Variants in EPHA6 observed in about 807,000 individuals in gnomAD.
EPHA6 encodes EPH receptor A6.
In EPHA6, 50 loss-of-function variants were observed where a neutral mutation model predicts 112.0. The observed-to-expected ratio is 0.45, with a 90% CI of 0.36 to 0.56. The LOEUF (loss-of-function observed/expected upper bound fraction) is 0.56, where lower values mean the gene tolerates loss of function less well. EPHA6 is among the 20% of genes least tolerant of loss of function. The pLI is 0.00. For synonymous variants in EPHA6, 529 were observed against 490.7 expected, an observed-to-expected ratio of 1.08 and a Z score of -1.03; for missense variants, 1,280 against 1,417.4, an observed-to-expected ratio of 0.90 and a Z score of 1.56.
At chr3:97,146,486 C>T (rs1194438577) in intron 3 of EPHA6, among the ~76,000 whole-genome samples, 3 of 151,782 alleles carry the variant, frequency 2.0e-5, no homozygotes, top group African/African-American at 7.2e-5. Flanking sequence ...GGCATCTCTA[C>T]ATTATTTCCT....
At chr3:97,280,147 G>C (rs1191588313) in intron 5 of EPHA6, among the ~76,000 whole-genome samples, 1 of 152,198 alleles carries the variant, frequency 6.6e-6, no homozygotes, top group Admixed American at 6.5e-5. Context: ...GCCTCCCAAA[G>C]TGCTGGGAAT....
At chr3:97,187,133 A>G (rs1295081955) in intron 3 of EPHA6, among the ~76,000 whole-genome samples, 5 of 152,136 alleles carry the variant, frequency 3.3e-5, no homozygotes, top group Non-Finnish European at 5.9e-5. Context: ...TTCACATTAT[A>G]TGCTAGCTGT....
At chr3:97,709,009 C>T (rs563167511) in intron 14 of EPHA6, among the ~76,000 whole-genome samples, 1 of 152,184 alleles carries the variant, frequency 6.6e-6, no homozygotes, top group Non-Finnish European at 1.5e-5. Flanking sequence ...TCATGGAGAA[C>T]CTCTACTAGT....
chr3:97,644,520 A>G lies in EPHA6; in HGVS notation c.2784+6438A>G, dbSNP rs1165224611. Among the ~76,000 whole-genome samples, 19 of 152,270 alleles carry G rather than the reference A, an allele frequency of 1.2e-4. No homozygotes were observed. In the East Asian group the frequency reaches 3.7e-3, roughly 29 times the overall value. On this transcript the variant is annotated intron_variant, in intron 14 of 17. Transcript: ENST00000389672. ...CAGGAGCTGGTTTTTTGAAAGGATC[A>G]ACAAAATTGATAGACCACTAGCAAG... is the stretch of plus-strand genomic sequence containing the variant.
intron 1 of EPHA6, among the ~76,000 whole-genome samples, chr3:96,840,457 A>G (rs923011936): frequency 9.2e-5 from 14 of 152,232 alleles, no homozygotes; most frequent in African/African-American, 2.9e-4. Context: ...CAGTAGTCCA[A>G]ACCACTCTCA....
chr3:96,871,997 A>G (rs894560026), intron 2 of EPHA6, among the ~76,000 whole-genome samples: 1 of 152,112 alleles, frequency 6.6e-6, no homozygotes, highest in Admixed American at 6.6e-5. Flanking sequence ...GCATTTCCCT[A>G]GAAAAGAAAA....
chr3:97,598,260 TTAAG>T (rs2093611044), intron 12 of EPHA6, among the ~76,000 whole-genome samples: 1 of 151,708 alleles, frequency 6.6e-6, no homozygotes, highest in South Asian at 2.1e-4. Flanking sequence ...GGTCATTTAG[TTAAG>T]TTTTTTTTTT....
chr3:97,692,936 A>G (rs965455795), intron 14 of EPHA6, among the ~76,000 whole-genome samples: 3 of 152,186 alleles, frequency 2.0e-5, no homozygotes, highest in Admixed American at 6.5e-5. Flanking sequence ...ATGAGCATCT[A>G]TTGAGATATT....
At chr3:97,504,278 G>A (rs532688911) in intron 10 of EPHA6, among the ~76,000 whole-genome samples, 1 of 152,156 alleles carries the variant, frequency 6.6e-6, no homozygotes, top group African/African-American at 2.4e-5. Flanking sequence ...TGGACACAAA[G>A]GCTAAGGTTG....
chr3:96,889,707 A>C (rs2037842986), intron 2 of EPHA6, among the ~76,000 whole-genome samples: 1 of 152,222 alleles, frequency 6.6e-6, no homozygotes, highest in Non-Finnish European at 1.5e-5. Flanking sequence ...ATTGTATGCA[A>C]ATTCAAAGAA....
intron 5 of EPHA6, among the ~76,000 whole-genome samples, chr3:97,388,817 G>A (rs1424926662): frequency 1.3e-5 from 2 of 152,168 alleles, no homozygotes; most frequent in African/African-American, 4.8e-5. Context: ...ATTAAGTGTA[G>A]AGGGAGTAGG....
chr3:97,330,663 T>C (rs1215580751), intron 5 of EPHA6, among the ~76,000 whole-genome samples: 1 of 152,088 alleles, frequency 6.6e-6, no homozygotes, highest in Admixed American at 6.6e-5. Flanking sequence ...TATTACATAA[T>C]GGTAAAGGGA....
chr3:97,556,590 A>G (rs1379614903), intron 11 of EPHA6, among the ~76,000 whole-genome samples: 2 of 152,050 alleles, frequency 1.3e-5, no homozygotes, highest in African/African-American at 4.8e-5. Flanking sequence ...TGCCTCCATG[A>G]TTCAATTACC....
intron 3 of EPHA6, among the ~76,000 whole-genome samples, chr3:97,155,806 C>T (rs1227775106): frequency 2.0e-5 from 3 of 152,124 alleles, no homozygotes; most frequent in Non-Finnish European, 1.5e-5. Context: ...ATCTCAGAGC[C>T]AGCAACACCA....
chr3:97,603,574 TC>T (rs1462704106), intron 12 of EPHA6, among the ~76,000 whole-genome samples: 1 of 151,874 alleles, frequency 6.6e-6, no homozygotes, highest in Non-Finnish European at 1.5e-5. Flanking sequence ...CTGAGGGTTT[TC>T]AAATCACTCT....
chr3:96,825,730 G>T (rs2033614771), intron 1 of EPHA6, among the ~76,000 whole-genome samples: 1 of 151,834 alleles, frequency 6.6e-6, no homozygotes, highest in South Asian at 2.1e-4. Context: ...GATTACCCGT[G>T]ATTAGCTGTT....
At chr3:96,939,470 A>G (rs1027397514) in intron 2 of EPHA6, among the ~76,000 whole-genome samples, 16 of 152,002 alleles carry the variant, frequency 1.1e-4, no homozygotes, top group Admixed American at 2.6e-4. Flanking sequence ...TATCATTTTT[A>G]TTGCATCTAT....
chr3:97,362,936 A>T (rs922455208), intron 5 of EPHA6, among the ~76,000 whole-genome samples: 5 of 151,472 alleles, frequency 3.3e-5, no homozygotes, highest in African/African-American at 1.2e-4. Flanking sequence ...AAGGAACAAA[A>T]TCTGTTTGAA....
At chr3:97,564,685 C>G (rs2093237393) in intron 11 of EPHA6, among the ~76,000 whole-genome samples, 1 of 151,742 alleles carries the variant, frequency 6.6e-6, no homozygotes, top group Admixed American at 6.6e-5. Flanking sequence ...GGATTGTATA[C>G]ATGGGAAAAG....
Sources: gnomAD v4.1 joint callset for allele counts (sites outside exome capture counted in the v4.1 genomes callset) on GRCh38, gnomAD v4.1.1 for gene constraint, MANE v1.5 for transcripts, NCBI Gene and HGNC (gene_info 2026-07-23, HGNC 2026-07-21) for gene names.